Variants in COL4A6 observed in about 807,000 individuals in gnomAD.
The protein encoded by COL4A6 is collagen alpha-6(IV) chain.
In COL4A6, 59 loss-of-function variants were observed where a neutral mutation model predicts 126.7. That is an observed-to-expected ratio of 0.47 (90% CI 0.38 to 0.58). COL4A6 has a LOEUF of 0.58. Ranked by LOEUF, COL4A6 falls within the 20% of genes least tolerant of loss-of-function variation. COL4A6 has a pLI of 0.00. For synonymous variants in COL4A6, 547 were observed against 496.6 expected (o/e 1.10, Z -1.35); for missense variants, 1,285 against 1,337.3 (o/e 0.96, Z 0.61).
chrX:108,211,857 T>TA, intron 6 of COL4A6, 117 bp from the exon 7 acceptor site: 3 of 708,947 alleles, frequency 4.2e-6, no homozygotes, highest in Non-Finnish European at 6.4e-6. Flanking sequence ...TGGCTTTTTC[T>TA]ATGGCAAAAT....
chrX:108,187,986 C>A lies in COL4A6; in HGVS notation c.1629G>T (p.Lys543Asn). The A allele has an allele frequency of 8.3e-7, 1 of 1,204,461 alleles. No individual in the cohort carries two copies. The highest frequency in any genetic ancestry group is 2.2e-5 in the Admixed American group (1 of 45,911). ...TTGTACTGAGAATTGGTTCCCCCTT[C>A]TTTCCTTTGGGTCCTGAAGGACCCA... ...GPLGPSGPKG[K>N]KGEPILSTIQ... The change falls in exon 22 of 45, where the codon AAG becomes AAT. Residue 543 changes from lysine to asparagine, a missense_variant. Lys to Asn is a moderately conservative substitution (Grantham distance 94). Transcript: ENST00000334504.
At chrX:108,390,205 T>C (rs763421522) in intron 2 of COL4A6, among the ~76,000 whole-genome samples, 1 of 111,021 alleles carries the variant, frequency 9.0e-6, no homozygotes, top group Non-Finnish European at 1.9e-5. Flanking sequence ...CAATTATATA[T>C]CTTGAGGTTG....
intron 3 of COL4A6, among the ~76,000 whole-genome samples, chrX:108,302,162 TA>T (rs769999370): frequency 2.7e-5 from 3 of 111,092 alleles, no homozygotes; most frequent in African/African-American, 9.8e-5. Flanking sequence ...ACACATGTCC[TA>T]ATCTCTCCCC....
chrX:108,239,665 T>C (rs1293796194), intron 3 of COL4A6, among the ~76,000 whole-genome samples: 1 of 111,507 alleles, frequency 9.0e-6, no homozygotes, highest in Non-Finnish European at 1.9e-5. Flanking sequence ...CCCATTCCAA[T>C]ACCAAAAATC....
At chrX:108,260,502 G>A (rs968804127) in intron 3 of COL4A6, among the ~76,000 whole-genome samples, 2 of 110,652 alleles carry the variant, frequency 1.8e-5, no homozygotes, top group Admixed American at 1.9e-4. Context: ...TAGTGAATAA[G>A]CCTCACGACA....
chrX:108,283,878 G>C (rs2037929970), intron 3 of COL4A6, among the ~76,000 whole-genome samples: 1 of 111,527 alleles, frequency 9.0e-6, no homozygotes, highest in Non-Finnish European at 1.9e-5. Context: ...AATAAAAGGT[G>C]GGCTGTGGGG....
At chrX:108,383,092 C>T (rs1432923835) in intron 2 of COL4A6, among the ~76,000 whole-genome samples, 2 of 109,066 alleles carry the variant, frequency 1.8e-5, no homozygotes, top group Non-Finnish European at 1.9e-5. Flanking sequence ...TACACTTAAA[C>T]GATAAGAACC....
Position 108,221,277 on chromosome X carries a change from G to C in COL4A6, c.242C>G (p.Pro81Arg). ...TGGTCCATAAGGTCCCAGAAGGCCTGGGAAACCCCTTTCTCCTTTCAATCC... is the reference window on the plus strand; with the variant it reads ...TGGTCCATAAGGTCCCAGAAGGCCTCGGAAACCCCTTTCTCCTTTCAATCC... The part of the protein sequence containing the change: ...LSGLKGERGF[P>R]GLLGPYGPKG... Residue 81 changes from proline (P) to arginine (R), a missense_variant, in exon 4 of 45, where the codon CCA (proline) becomes CGA (arginine). By Grantham distance (103) the Pro-to-Arg change is moderately radical. Transcript: ENST00000334504. 8.3e-7 allele frequency: 1 copy of C among 1,211,516 alleles called. No individual in the cohort carries two copies. The highest frequency in any genetic ancestry group is 1.1e-6 in the Non-Finnish European group (1 of 895,215).
chrX:108,252,314 C>T (rs2147679090), intron 3 of COL4A6, among the ~76,000 whole-genome samples: 1 of 111,891 alleles, frequency 8.9e-6, no homozygotes, highest in East Asian at 2.9e-4. Flanking sequence ...AACAGAATTT[C>T]ATTCTTTTTT....
At chrX:108,378,715 A>G (rs2040498035) in intron 2 of COL4A6, among the ~76,000 whole-genome samples, 1 of 113,142 alleles carries the variant, frequency 8.8e-6, no homozygotes. Context: ...CTGCCCTCAG[A>G]TGTAAAGGAT....
intron 2 of COL4A6, among the ~76,000 whole-genome samples, chrX:108,366,498 A>G (rs2040200167): frequency 8.9e-6 from 1 of 112,054 alleles, no homozygotes; most frequent in African/African-American, 3.2e-5. Context: ...CAGAATTATA[A>G]TTCTCTGACC....
chrX:108,216,285 G>A (rs770715166), intron 5 of COL4A6, among the ~76,000 whole-genome samples: 1 of 111,811 alleles, frequency 8.9e-6, no homozygotes, highest in South Asian at 3.8e-4. Context: ...TCATCCAGCT[G>A]ATACCAAGGA....
chrX:108,426,356 G>A (rs2064085274), intron 2 of COL4A6, among the ~76,000 whole-genome samples: 1 of 112,052 alleles, frequency 8.9e-6, no homozygotes, highest in Non-Finnish European at 1.9e-5. Flanking sequence ...AAATGTTGTA[G>A]AGCTTTATGA....
intron 3 of COL4A6, among the ~76,000 whole-genome samples, chrX:108,282,590 G>A (rs2037873436): frequency 9.0e-6 from 1 of 110,674 alleles, no homozygotes; most frequent in African/African-American, 3.3e-5. Flanking sequence ...TCAGTGTGGT[G>A]ATTCCTCAGG....
intron 3 of COL4A6, among the ~76,000 whole-genome samples, chrX:108,244,426 G>A (rs1001276204): frequency 9.0e-6 from 1 of 111,510 alleles, no homozygotes; most frequent in Non-Finnish European, 1.9e-5. Flanking sequence ...CTTAGGCTCT[G>A]CTTCTTCTTG....
chrX:108,161,600 T>TTTGCAAAAA lies in COL4A6; in HGVS notation c.4333+18_4333+19insTTTTTGCAA. On this transcript the variant is annotated intron_variant, in intron 42 of 44. Transcript: ENST00000334504. The stretch of plus-strand genomic sequence containing the variant: ...CACCATCCCCGCCCCGCCCGCCTCC[T>TTTGCAAAAA]AATGTGGCATCATCAGACCTTCAAA... The TTTGCAAAAA allele has an allele frequency of 3.5e-6, 1 of 283,643 alleles. No homozygotes were observed. Among genetic ancestry groups the TTTGCAAAAA allele is most frequent in the Non-Finnish European group, 6.1e-6 (1 of 163,795 alleles). 23.4% of individuals were successfully genotyped at this position (283,643 alleles called of 1,213,427 possible).
rs1318938407 is a variant in COL4A6, at chrX:108,214,120, C to T, written c.433G>A (p.Gly145Arg). The change falls in exon 6 of 45, where the codon GGA becomes AGA. Residue 145 changes from glycine (G) to arginine (R), a missense_variant. Coordinates refer to ENST00000334504, the MANE Select transcript of COL4A6 (RefSeq NM_033641.4). The stretch of plus-strand genomic sequence containing the variant: ...AATATCTGGCAGCATACGGGTGGTC[C>T]GAGAAGCCCAGGATAGCCATCAGGG... ...PGPDGYPGLLGPPGLPGQKGS... is the reference protein window; with the variant it reads ...PGPDGYPGLLRPPGLPGQKGS... The T allele has an allele frequency of 4.2e-6, 5 of 1,203,276 alleles. No individual in the cohort carries two copies. Among genetic ancestry groups the T allele is most frequent in the South Asian group, 1.8e-5 (1 of 56,264 alleles).
intron 28 of COL4A6, among the ~76,000 whole-genome samples, chrX:108,176,306 C>A: frequency 1.6e-5 from 1 of 64,264 alleles, no homozygotes. Context: ...AAGAGCAAAA[C>A]TCTGTCAAAA....
intron 40 of COL4A6, among the ~76,000 whole-genome samples, chrX:108,163,889 G>A (rs1431495338): frequency 8.9e-6 from 1 of 112,288 alleles, no homozygotes; most frequent in Non-Finnish European, 1.9e-5. Context: ...AGGCCCTGTG[G>A]TAGGCCAGGA....
Sources: gnomAD v4.1 joint callset for allele counts (sites outside exome capture counted in the v4.1 genomes callset) on GRCh38, gnomAD v4.1.1 for gene constraint, MANE v1.5 for transcripts, NCBI Gene and HGNC (gene_info 2026-07-23, HGNC 2026-07-21) for gene names.